Variants in SLC36A4 observed in about 807,000 individuals in gnomAD.
The protein encoded by SLC36A4 is neutral amino acid uniporter 4.
A neutral mutation model predicts 50.5 loss-of-function variants in SLC36A4; 49 were observed. The ratio of observed to expected loss-of-function variants is 0.97; its 90% CI spans 0.77 to 1.23. The LOEUF (loss-of-function observed/expected upper bound fraction) is 1.23. SLC36A4 is among the 50% of genes most tolerant of loss of function. SLC36A4 has a pLI of 0.00. For synonymous variants in SLC36A4, 207 were observed against 206.5 expected, an observed-to-expected ratio of 1.00 and a Z score of -0.02; for missense variants, 611 against 608.4, an observed-to-expected ratio of 1.00 and a Z score of -0.05.
intron 10 of SLC36A4, among the ~76,000 whole-genome samples, chr11:93,149,523 G>A (rs1859979763): frequency 1.3e-5 from 2 of 152,086 alleles, no homozygotes; most frequent in Admixed American, 1.3e-4. Context: ...ATACTATGAT[G>A]TGATACACTG....
intron 3 of SLC36A4, among the ~76,000 whole-genome samples, chr11:93,183,413 C>T (rs1861825176): frequency 1.3e-5 from 2 of 152,020 alleles, no homozygotes; most frequent in Admixed American, 1.3e-4. Context: ...TAAAGCAATG[C>T]TAGTAATTAC....
At chr11:93,197,004 C>A (rs1565244983) in intron 1 of SLC36A4, among the ~76,000 whole-genome samples, 1 of 152,174 alleles carries the variant, frequency 6.6e-6, no homozygotes, top group Admixed American at 6.5e-5. Flanking sequence ...GCCCTGCAGG[C>A]TATTAGAGGA....
chr11:93,151,968 G>C (rs1017604862), intron 10 of SLC36A4: 4 of 151,908 alleles, frequency 2.6e-5, no homozygotes, highest in Non-Finnish European at 4.4e-5. Flanking sequence ...CTATATACCA[G>C]GTAAGCACCT....
chr11:93,180,212 TGGAG>T (rs1861675742), intron 6 of SLC36A4: 2 of 984,946 alleles, frequency 2.0e-6, no homozygotes, highest in African/African-American at 3.5e-5. Flanking sequence ...ATTGTTTTGA[TGGAG>T]GGATTTTTTA....
chr11:93,189,245 G>A (rs1192245561), intron 1 of SLC36A4, among the ~76,000 whole-genome samples: 11 of 151,908 alleles, frequency 7.2e-5, no homozygotes, highest in Admixed American at 7.2e-4. Context: ...TGTATTTTTA[G>A]TAGAGACAGG....
At chr11:93,163,816 C>T (rs1459294451) in intron 8 of SLC36A4, among the ~76,000 whole-genome samples, 2 of 124,700 alleles carry the variant, frequency 1.6e-5, no homozygotes, top group African/African-American at 5.8e-5. Context: ...ATTAGCATGA[C>T]CCTATGTATT....
intron 6 of SLC36A4, among the ~76,000 whole-genome samples, chr11:93,174,249 G>C (rs1861338434): frequency 7.2e-6 from 1 of 139,598 alleles, no homozygotes. Context: ...CTCTCTGTTT[G>C]TCTGTTGTTG....
chr11:93,182,765 G>T lies in SLC36A4; in HGVS notation c.359+41C>A, dbSNP rs375095822. Reference sequence around the variant, plus strand: ...AGACTATCTGATGCTGTAAATAAAAGATAGCTTTAAAATAAATAGGCTTAA... The same window carrying T: ...AGACTATCTGATGCTGTAAATAAAATATAGCTTTAAAATAAATAGGCTTAA... On this transcript the variant is annotated intron_variant, in intron 4 of 10. Coordinates refer to ENST00000326402, the MANE Select transcript of SLC36A4 (RefSeq NM_152313.4). 2.8e-6 allele frequency: 4 copies of T among 1,439,212 alleles called. No homozygotes were observed. In the African/African-American group the frequency reaches 4.3e-5, roughly 15 times the overall value. 89.2% of individuals were successfully genotyped at this position (1,439,212 alleles called of 1,614,324 possible).
chr11:93,160,311 G>A lies in SLC36A4; in HGVS notation c.1037+2395C>T, dbSNP rs1402725929. On this transcript the variant is annotated intron_variant, in intron 9 of 10. Coordinates refer to ENST00000326402, the MANE Select transcript of SLC36A4 (RefSeq NM_152313.4). ...TAAAGGGAAATATGTGTCTTGACTGGCTTTCCTGTTTTTTCCAGATTTTTG... is the reference window on the plus strand; with the variant it reads ...TAAAGGGAAATATGTGTCTTGACTGACTTTCCTGTTTTTTCCAGATTTTTG... The A allele has an allele frequency of 3.6e-5, 35 of 985,386 alleles. No individual in the cohort carries two copies. The South Asian group carries it at 1.6e-3, about 44-fold the overall frequency. The allele number at this position is 985,386 out of a possible 1,614,324, so 61.0% of individuals were successfully genotyped here.
chr11:93,177,927 GA>G (rs1388824601), intron 6 of SLC36A4, among the ~76,000 whole-genome samples: 3 of 152,242 alleles, frequency 2.0e-5, no homozygotes, highest in Non-Finnish European at 4.4e-5. Context: ...TAAGTCTGCA[GA>G]AGTTTCTGCT....
chr11:93,174,431 C>A (rs890252251), intron 6 of SLC36A4, among the ~76,000 whole-genome samples: 1 of 148,508 alleles, frequency 6.7e-6, no homozygotes, highest in Non-Finnish European at 1.5e-5. Context: ...TAATTGAATA[C>A]CCTTTATTTC....
intron 1 of SLC36A4, among the ~76,000 whole-genome samples, chr11:93,187,382 A>G (rs1862034185): frequency 6.6e-6 from 1 of 152,150 alleles, no homozygotes; most frequent in South Asian, 2.1e-4. Flanking sequence ...TATTTCTACT[A>G]TAAAGTTTTC....
chr11:93,177,440 G>GCCTT (rs1239111432), intron 6 of SLC36A4, among the ~76,000 whole-genome samples: 3 of 152,186 alleles, frequency 2.0e-5, no homozygotes, highest in Non-Finnish European at 4.4e-5. Context: ...ATCGTCTGAA[G>GCCTT]CCTTCTTCTC....
chr11:93,163,588 G>A (rs1050428306), intron 8 of SLC36A4, among the ~76,000 whole-genome samples: 2 of 152,116 alleles, frequency 1.3e-5, no homozygotes, highest in Admixed American at 6.6e-5. Flanking sequence ...GTTTATCACT[G>A]GTGAAGTTAA....
intron 6 of SLC36A4, chr11:93,172,042 T>C (rs1861165069): frequency 6.6e-6 from 1 of 152,106 alleles, no homozygotes; most frequent in Non-Finnish European, 1.5e-5. Context: ...CACCTGTGTC[T>C]GATGGTTTAC....
intron 9 of SLC36A4, chr11:93,159,869 G>C (rs1185713964): frequency 2.0e-6 from 2 of 985,150 alleles, no homozygotes; most frequent in Admixed American, 6.2e-5. Flanking sequence ...AATATACTCT[G>C]AGACTTTGCC....
At chr11:93,196,390 A>T (rs1026966990) in intron 1 of SLC36A4, among the ~76,000 whole-genome samples, 1 of 151,976 alleles carries the variant, frequency 6.6e-6, no homozygotes, top group African/African-American at 2.4e-5. Flanking sequence ...TTTTTGAGAC[A>T]GAGTCTCGCT....
At chr11:93,151,971 A>ATAT (rs1247380822) in intron 10 of SLC36A4, 3 of 152,036 alleles carry the variant, frequency 2.0e-5, no homozygotes, top group Non-Finnish European at 4.4e-5. Context: ...TATACCAGGT[A>ATAT]AGCACCTAAA....
chr11:93,192,902 G>A (rs1443889757), intron 1 of SLC36A4: 3 of 152,072 alleles, frequency 2.0e-5, no homozygotes, highest in South Asian at 4.2e-4. Context: ...TATTACATAG[G>A]AGTTTTGTGA....
Sources: allele counts gnomAD v4.1 joint callset (sites outside exome capture counted in the v4.1 genomes callset), GRCh38; gene constraint gnomAD v4.1.1; transcripts MANE v1.5; gene names NCBI Gene and HGNC (gene_info 2026-07-23, HGNC 2026-07-21).